Variants in MAGI2 observed in about 807,000 individuals in gnomAD.
The protein encoded by MAGI2 is membrane associated guanylate kinase, WW and PDZ domain containing 2.
A neutral mutation model predicts 133.3 loss-of-function variants in MAGI2; 35 were observed. The ratio of observed to expected loss-of-function variants is 0.26; its 90% confidence interval spans 0.20 to 0.35. The LOEUF (loss-of-function observed/expected upper bound fraction) is 0.35, where lower values mean the gene tolerates loss of function less well. MAGI2 is among the 10% of genes least tolerant of loss of function. The pLI is 1.00. For synonymous variants in MAGI2, 729 were observed against 710.6 expected (o/e 1.03, Z -0.41); for missense variants, 1,636 against 1,863.4 (o/e 0.88, Z 2.25).
intron 6 of MAGI2, among the ~76,000 whole-genome samples, chr7:78,402,009 T>C (rs1164305266): frequency 6.6e-6 from 1 of 152,128 alleles, no homozygotes; most frequent in African/African-American, 2.4e-5. Flanking sequence ...GGTTCCCCTC[T>C]TCTATGCCTT....
At chr7:78,278,589 G>T (rs528758555) in intron 9 of MAGI2, among the ~76,000 whole-genome samples, 1 of 152,060 alleles carries the variant, frequency 6.6e-6, no homozygotes, top group East Asian at 1.9e-4. Context: ...CCCTAATCTC[G>T]ATGTTGCTTG....
chr7:78,319,668 G>A (rs1267447583), intron 9 of MAGI2, among the ~76,000 whole-genome samples: 1 of 152,260 alleles, frequency 6.6e-6, no homozygotes, highest in East Asian at 1.9e-4. Flanking sequence ...GCCCACAAGA[G>A]AAAGCAGGAA....
intron 20 of MAGI2, among the ~76,000 whole-genome samples, chr7:78,087,591 G>T (rs1816774780): frequency 6.6e-6 from 1 of 151,680 alleles, no homozygotes; most frequent in South Asian, 2.1e-4. Context: ...TGGGGCAAAT[G>T]ATATTTTTCT....
At chr7:79,282,087 A>AT (rs1835686412) in intron 1 of MAGI2, among the ~76,000 whole-genome samples, 1 of 152,214 alleles carries the variant, frequency 6.6e-6, no homozygotes. Flanking sequence ...AAAATGACTA[A>AT]TAACAGCTCT....
intron 2 of MAGI2, among the ~76,000 whole-genome samples, chr7:78,748,200 C>T (rs1823110794): frequency 6.6e-6 from 1 of 151,772 alleles, no homozygotes; most frequent in Admixed American, 6.6e-5. Flanking sequence ...TTCAAATCTT[C>T]CCTCGTTGAG....
At chr7:78,507,521 T>C (rs1427287091) in intron 4 of MAGI2, among the ~76,000 whole-genome samples, 1 of 152,122 alleles carries the variant, frequency 6.6e-6, no homozygotes, top group Non-Finnish European at 1.5e-5. Flanking sequence ...AAAGAGATGG[T>C]AGAATGCAAA....
Position 78,529,668 on chromosome 7 carries a change from GTTT to G in MAGI2, c.539-8026_539-8024del, listed in dbSNP as rs554010061. ...TTTCTTTTCCTTGCTAAAGGAGATG[GTTT>G]TTTTTTTTTTTTTTTTTTTTTTTTT... is the stretch of plus-strand genomic sequence containing the variant. On this transcript the variant is annotated intron_variant, in intron 3 of 21. Transcript: ENST00000354212. Among the ~76,000 whole-genome samples, 458 of 57,392 alleles carry G rather than the reference GTTT, an allele frequency of 8.0e-3. 17 individuals are homozygous for G. The highest frequency in any genetic ancestry group is 0.014 in the Middle Eastern group (1 of 70). The allele number at this position is 57,392 out of a possible 152,430, so 37.7% of individuals were successfully genotyped here. A position where few individuals can be genotyped will look rare whatever the true frequency, so the allele number is the denominator to read the frequency against.
intron 2 of MAGI2, among the ~76,000 whole-genome samples, chr7:78,735,748 G>A (rs1349534305): frequency 6.6e-6 from 1 of 152,114 alleles, no homozygotes; most frequent in East Asian, 1.9e-4. Context: ...ATGGAGGAGA[G>A]CAGCCTCAAG....
chr7:79,358,276 G>C (rs1163182178), intron 1 of MAGI2, among the ~76,000 whole-genome samples: 2 of 151,986 alleles, frequency 1.3e-5, no homozygotes, highest in African/African-American at 4.8e-5. Flanking sequence ...TTTTAATGTT[G>C]TGTAAATACA....
rs142928582 is a variant in MAGI2 at position 79,241,809 on chromosome 7, A to C, written c.301+211211T>G. Among the ~76,000 whole-genome samples the C allele has an allele frequency of 4.1e-4, 63 of 152,320 alleles. 1 individual carries two copies. Among genetic ancestry groups the C allele is most frequent in the African/African-American group, 1.4e-3 (58 of 41,584 alleles). ...GATTGGTCTTTTGAGATGTGTTTCA[A>C]ACCTTTGCATTCTAGTGACTGACTG... is the stretch of plus-strand genomic sequence containing the variant. On this transcript the variant is annotated intron_variant, in intron 1 of 21. Transcript: ENST00000354212.
At chr7:78,595,218 T>G (rs1252162593) in intron 3 of MAGI2, among the ~76,000 whole-genome samples, 7 of 152,146 alleles carry the variant, frequency 4.6e-5, no homozygotes, top group Non-Finnish European at 1.0e-4. Context: ...TCCACAACTT[T>G]CCTCTCCCAA....
intron 20 of MAGI2, among the ~76,000 whole-genome samples, chr7:78,124,277 C>A (rs1365746507): frequency 3.3e-5 from 5 of 152,182 alleles, no homozygotes; most frequent in African/African-American, 1.2e-4. Context: ...AGCCAGGAAA[C>A]CATGTGGAGG....
At chr7:78,345,789 A>G in intron 8 of MAGI2, 133 bp downstream of exon 8, 1 of 1,273,136 alleles carries the variant, frequency 7.9e-7, no homozygotes, top group Admixed American at 2.2e-5. Context: ...ACATCCAGCT[A>G]AAGCTAATAG....
At chr7:78,574,356 G>A (rs1365080960) in intron 3 of MAGI2, among the ~76,000 whole-genome samples, 1 of 152,220 alleles carries the variant, frequency 6.6e-6, no homozygotes, top group Non-Finnish European at 1.5e-5. Flanking sequence ...TTCTGAAAAT[G>A]TGTTGGCCTC....
chr7:78,420,936 G>A (rs1252002476), intron 6 of MAGI2, among the ~76,000 whole-genome samples: 1 of 152,172 alleles, frequency 6.6e-6, no homozygotes, highest in Admixed American at 6.5e-5. Context: ...TAAAGTTCGA[G>A]TTGCACAGGT....
chr7:79,440,375 G>A (rs1360793009), intron 1 of MAGI2, among the ~76,000 whole-genome samples: 1 of 151,714 alleles, frequency 6.6e-6, no homozygotes, highest in East Asian at 1.9e-4. Context: ...TTTTGTGGCT[G>A]GTTTGCTTTC....
chr7:78,612,108 A>C (rs1806515291), intron 3 of MAGI2, among the ~76,000 whole-genome samples: 1 of 152,182 alleles, frequency 6.6e-6, no homozygotes, highest in African/African-American at 2.4e-5. Context: ...GTTTGTAAAA[A>C]TCGTATGCTA....
chr7:78,176,219 C>T (rs527910458), intron 14 of MAGI2, among the ~76,000 whole-genome samples: 1 of 152,246 alleles, frequency 6.6e-6, no homozygotes, highest in Admixed American at 6.5e-5. Context: ...TCTGAAGTTA[C>T]TTGAGCCCTG....
At chr7:78,369,852 TA>T (rs953041471) in intron 6 of MAGI2, among the ~76,000 whole-genome samples, 26 of 151,798 alleles carry the variant, frequency 1.7e-4, no homozygotes, top group African/African-American at 6.3e-4. Flanking sequence ...ACACACACAT[TA>T]AAAAAAATCA....
Sources: gnomAD v4.1 joint callset for allele counts (sites outside exome capture counted in the v4.1 genomes callset) on GRCh38, gnomAD v4.1.1 for gene constraint, MANE v1.5 for transcripts, NCBI Gene and HGNC (gene_info 2026-07-23, HGNC 2026-07-21) for gene names.